Variants in FAT2 observed in about 807,000 individuals in gnomAD.
FAT2 encodes the protein protocadherin Fat 2.
In FAT2, 150 loss-of-function variants were observed where a neutral mutation model predicts 295.3. The observed-to-expected ratio is 0.51, with a 90% confidence interval of 0.44 to 0.58. The LOEUF (loss-of-function observed/expected upper bound fraction) is 0.58, where lower values mean the gene tolerates loss of function less well. Ranked by LOEUF, FAT2 falls within the 20% of genes least tolerant of loss-of-function variation. The pLI is 0.00. For synonymous variants in FAT2, 2,026 were observed against 2,150.3 expected (o/e 0.94, Z 1.60); for missense variants, 4,868 against 5,442.7 (o/e 0.89, Z 3.32).
Position 151,507,154 on chromosome 5 carries a change from C to T in FAT2, c.12517G>A (p.Val4173Met). 6.4e-7 allele frequency: 1 copy of T among 1,574,764 alleles called. No individual in the cohort carries two copies. The highest frequency in any genetic ancestry group is 8.6e-7 in the Non-Finnish European group (1 of 1,159,196). The change falls in exon 23 of 24, where the codon GTG becomes ATG. Residue 4173 changes from valine to methionine, a missense_variant and splice_region_variant. Physicochemically the swap from Val to Met is conservative, Grantham distance 21 (BLOSUM62 1). Around this residue, in one of 5 missense-constraint regions of FAT2, gnomAD observed 492 missense variants for 482.6 expected, o/e 1.02. Coordinates refer to ENST00000261800, the MANE Select transcript of FAT2 (RefSeq NM_001447.3). The stretch of plus-strand genomic sequence containing the variant: ...GCTAAGCGTCTCTGGCTATACTGAC[C>T]CATCTCCTCGCTGGACCAGGTTCTC... ...IKRTWSSEEMVYPGGAMVWPP... is the reference protein window; with the variant it reads ...IKRTWSSEEMMYPGGAMVWPP...
At chr5:151,525,523 T>A (rs758780900) in intron 18 of FAT2, among the ~76,000 whole-genome samples, 2 of 152,120 alleles carry the variant, frequency 1.3e-5, no homozygotes, top group Non-Finnish European at 1.5e-5. Flanking sequence ...TTATTACCAG[T>A]ATTACTTTAA....
chr5:151,538,106 A>G (rs1302557638), intron 11 of FAT2, among the ~76,000 whole-genome samples, 160 bp from the exon 12 acceptor site: 2 of 151,982 alleles, frequency 1.3e-5, no homozygotes, highest in African/African-American at 4.8e-5. Context: ...GAGAGAGAGA[A>G]AGAGAAGCAG....
chr5:151,505,282 C>G lies in FAT2; in HGVS notation c.*283G>C. 1 of 486,166 alleles carries G rather than the reference C, an allele frequency of 2.1e-6. No individual in the cohort carries two copies. Among genetic ancestry groups the G allele is most frequent in the Non-Finnish European group, 3.6e-6 (1 of 276,026 alleles). 30.1% of individuals were successfully genotyped at this position (486,166 alleles called of 1,614,324 possible). Reference sequence around the variant, plus strand: ...GATCAGGGAGCCCTCCTGTCTCTCGCCCACCCCGGGAGTCAATTGTTCCTG... The same window carrying G: ...GATCAGGGAGCCCTCCTGTCTCTCGGCCACCCCGGGAGTCAATTGTTCCTG... On this transcript the variant is annotated 3_prime_UTR_variant, in exon 24 of 24. Coordinates refer to ENST00000261800, the MANE Select transcript of FAT2 (RefSeq NM_001447.3).
Position 151,512,034 on chromosome 5 carries a change from A to T in FAT2, c.11905+131T>A. On this transcript the variant is annotated intron_variant, in intron 21 of 23. Coordinates refer to ENST00000261800, the MANE Select transcript of FAT2 (RefSeq NM_001447.3). This position sits in a 1 kb window ranked among gnomAD's most constrained non-coding sequence, Gnocchi z 4.1. ...TAGATATTGCAGATTCCAACCTGTT[A>T]CTCACAAGTTAGGGGAAGAGAGAGA... 1.3e-6 allele frequency: 1 copy of T among 757,450 alleles called. No individual in the cohort carries two copies. The highest frequency in any genetic ancestry group is 2.1e-6 in the Non-Finnish European group (1 of 465,524). The allele number at this position is 757,450 out of a possible 1,614,324, so 46.9% of individuals were successfully genotyped here.
At position 151,521,447 on chromosome 5, in the gene FAT2, C is replaced by T. The variant is rs747496471; in HGVS notation, c.11146G>A (p.Val3716Ile). 2 of 1,614,182 alleles carry T rather than the reference C, an allele frequency of 1.2e-6. No individual in the cohort carries two copies. The highest frequency in any genetic ancestry group is 1.7e-6 in the Non-Finnish European group (2 of 1,180,034). Residue 3716 changes from valine (V) to isoleucine (I), a missense_variant, in exon 19 of 24, where the codon GTT becomes ATT. Val to Ile is a conservative substitution (Grantham distance 29). This residue lies in a region of FAT2 where 1,046 missense variants were observed against 1,210.1 expected (regional missense o/e 0.86). Transcript: ENST00000261800. ...SAKEMEHSVG[V>I]QMRSAMPMVP... ...ATGGGCATAGCTGACCGCATCTGAA[C>T]CCCCACTGAATGCTCCATCTCCTTG...
At chr5:151,517,382 C>T (rs1186187202) in intron 20 of FAT2, among the ~76,000 whole-genome samples, 1 of 152,212 alleles carries the variant, frequency 6.6e-6, no homozygotes, top group African/African-American at 2.4e-5. Flanking sequence ...TTCTATCTTA[C>T]CCCACAGAGT....
rs193123632 is a variant in FAT2 at position 151,512,924 on chromosome 5, A to G, written c.11464-318T>C. ...TGGATGCTTCTTCACAGGCCTGTCC[A>G]GAGTTCCACACTTGTGAATATTGGC... On this transcript the variant is annotated intron_variant, in intron 20 of 23. Coordinates refer to ENST00000261800, the MANE Select transcript of FAT2 (RefSeq NM_001447.3). The surrounding 1 kb of genome is among the most constrained non-coding windows in gnomAD (Gnocchi z 4.1). 6.6e-6 allele frequency among the ~76,000 whole-genome samples: 1 copy of G among 152,296 alleles called. No individual in the cohort carries two copies. The highest frequency in any genetic ancestry group is 6.5e-5 in the Admixed American group (1 of 15,302).
At chr5:151,590,284 C>T (rs1041639225) in intron 1 of FAT2, among the ~76,000 whole-genome samples, 2 of 152,222 alleles carry the variant, frequency 1.3e-5, no homozygotes, top group African/African-American at 4.8e-5. Context: ...TGAGTCCAGG[C>T]GCCAGCTCCA....
At chr5:151,586,377 G>C (rs1759168951) in intron 1 of FAT2, among the ~76,000 whole-genome samples, 1 of 152,222 alleles carries the variant, frequency 6.6e-6, no homozygotes, top group African/African-American at 2.4e-5. Flanking sequence ...AGGTGGTCTT[G>C]CAGGGGCCGC....
intron 6 of FAT2, among the ~76,000 whole-genome samples, chr5:151,552,377 G>A (rs555084069): frequency 6.6e-6 from 1 of 152,280 alleles, no homozygotes; most frequent in East Asian, 1.9e-4. Context: ...GCCAGAACTG[G>A]AAGTAAGTTC....
At chr5:151,576,118 G>A (rs2127656422) in intron 1 of FAT2, among the ~76,000 whole-genome samples, 1 of 152,220 alleles carries the variant, frequency 6.6e-6, no homozygotes, top group East Asian at 1.9e-4. Context: ...TATTAAAGCA[G>A]AATGAAAAGG....
At chr5:151,569,610 A>T (rs143603881) in intron 1 of FAT2, among the ~76,000 whole-genome samples, 1 of 152,320 alleles carries the variant, frequency 6.6e-6, no homozygotes, top group East Asian at 1.9e-4. Flanking sequence ...AGAATAGCAG[A>T]CTAGTTCAAA....
intron 1 of FAT2, among the ~76,000 whole-genome samples, chr5:151,577,935 C>A (rs545590894): frequency 2.0e-5 from 3 of 150,888 alleles, no homozygotes; most frequent in East Asian, 2.0e-4. Context: ...GAGGGGTCAA[C>A]AACTCTAGCC....
rs748062468 is a variant in FAT2 at position 151,567,128 on chromosome 5, C to T, written c.1804G>A (p.Val602Ile). 1.1e-5 allele frequency: 18 copies of T among 1,614,034 alleles called. No homozygotes were observed. The South Asian group carries it at 2.0e-4, about 18-fold the overall frequency. Residue 602 changes from valine (V) to isoleucine (I), a missense_variant, in exon 2 of 24, where the codon GTA (valine) becomes ATA (isoleucine). Physicochemically the swap from Val to Ile is conservative, Grantham distance 29 (BLOSUM62 3). Coordinates refer to ENST00000261800, the MANE Select transcript of FAT2 (RefSeq NM_001447.3). ...AAATACTCTAGTTCATTGCCTGATA[C>T]AATCTCGTATTTTAGGTTCTGAAGC... ...DELQNLKYEI[V>I]SGNELEYFDL...
chr5:151,545,605 T>C lies in FAT2; in HGVS notation c.5522A>G (p.Tyr1841Cys). The change falls in exon 10 of 24, where the codon TAT becomes TGT. Residue 1841 changes from tyrosine to cysteine, a missense_variant. Tyr to Cys is a radical substitution (Grantham distance 194). This residue lies in a region of FAT2 where 3,297 missense variants were observed against 3,669.4 expected (regional missense o/e 0.90). Transcript: ENST00000261800. ...TACAGGGCTTCCTTGGTCATGGACA[T>C]AGACACAGAATTGGAAAGAGGGCAT... ...ESMPSFQFCVYVHDQGSPVLF... is the reference protein window; with the variant it reads ...ESMPSFQFCVCVHDQGSPVLF... 6.2e-7 allele frequency: 1 copy of C among 1,614,098 alleles called. No homozygotes were observed.
chr5:151,586,347 T>C (rs1047787234), intron 1 of FAT2, among the ~76,000 whole-genome samples: 1 of 152,228 alleles, frequency 6.6e-6, no homozygotes, highest in African/African-American at 2.4e-5. Flanking sequence ...GAAGGATAGA[T>C]GGCATTTTCC....
chr5:151,536,333 G>A (rs1341923910), intron 12 of FAT2, among the ~76,000 whole-genome samples: 1 of 152,154 alleles, frequency 6.6e-6, no homozygotes, highest in Non-Finnish European at 1.5e-5. Flanking sequence ...CCCTGCTGGG[G>A]TTAGGAAGGA....
chr5:151,527,479 A>T, intron 16 of FAT2, 102 bp from the exon 17 acceptor site: 1 of 1,222,400 alleles, frequency 8.2e-7, no homozygotes, highest in South Asian at 1.7e-5. Context: ...AGAAGGAGAC[A>T]CTTTCCTATG....
upstream of FAT2, among the ~76,000 whole-genome samples, chr5:151,593,672 C>T (rs1237372656): frequency 6.6e-6 from 1 of 152,168 alleles, no homozygotes; most frequent in East Asian, 1.9e-4. Context: ...TTTGTGAGCA[C>T]ATCCTGACCA....
Sources: allele counts gnomAD v4.1 joint callset (sites outside exome capture counted in the v4.1 genomes callset), GRCh38; gene constraint gnomAD v4.1.1; regional missense constraint gnomAD v4.1.1; non-coding constraint Gnocchi (gnomAD v3.1); transcripts MANE v1.5; gene names NCBI Gene and HGNC (gene_info 2026-07-23, HGNC 2026-07-21).